Variants in TAFA2 observed in about 807,000 individuals in gnomAD.
TAFA2 encodes the protein chemokine-like protein TAFA-2.
Under a neutral mutation model 18.8 loss-of-function variants are expected in TAFA2, and 7 were observed. The ratio of observed to expected loss-of-function variants is 0.37; its 90% CI spans 0.21 to 0.70. TAFA2 has a LOEUF of 0.70. TAFA2 is among the 30% of genes least tolerant of loss of function. The pLI, the probability that TAFA2 is intolerant of heterozygous loss-of-function variation, is 0.53. For synonymous variants in TAFA2, 60 were observed against 54.2 expected, an observed-to-expected ratio of 1.11 and a Z score of -0.47; for missense variants, 122 against 158.1, an observed-to-expected ratio of 0.77 and a Z score of 1.23.
intron 4 of TAFA2, among the ~76,000 whole-genome samples, chr12:61,745,179 C>T (rs779942003): frequency 1.4e-4 from 21 of 152,018 alleles, no homozygotes; most frequent in African/African-American, 3.1e-4. Context: ...TTAAGTTAAA[C>T]GACCTAAATT....
intron 1 of TAFA2, among the ~76,000 whole-genome samples, chr12:61,931,705 G>A (rs773532264): frequency 6.6e-6 from 1 of 152,140 alleles, no homozygotes; most frequent in Non-Finnish European, 1.5e-5. Context: ...GGTGGTCATT[G>A]CCATTTTGTA....
At chr12:61,817,543 AAG>A (rs1438668062) in intron 2 of TAFA2, among the ~76,000 whole-genome samples, 2 of 152,058 alleles carry the variant, frequency 1.3e-5, no homozygotes, top group African/African-American at 2.4e-5. Flanking sequence ...TTTTTCTCCC[AAG>A]AGAGAGCTTT....
intron 1 of TAFA2, among the ~76,000 whole-genome samples, chr12:61,984,844 C>T (rs539661861): frequency 6.6e-6 from 1 of 152,008 alleles, no homozygotes; most frequent in Non-Finnish European, 1.5e-5. Context: ...TAATATCTAC[C>T]AAGTCATGTT....
intron 1 of TAFA2, chr12:61,879,299 T>TTCC: frequency 2.2e-6 from 1 of 459,818 alleles, no homozygotes; most frequent in Non-Finnish European, 3.9e-6. Context: ...GCCCACCTGC[T>TTCC]TCCACTCCTG....
chr12:61,836,756 T>TATATATATATATATACACACACAC (rs68158949), intron 2 of TAFA2, among the ~76,000 whole-genome samples: 9 of 119,836 alleles, frequency 7.5e-5, no homozygotes, highest in African/African-American at 2.5e-4. Context: ...TATATATATA[T>TATATATATATATATACACACACAC]ACACACACAC....
intron 1 of TAFA2, chr12:62,021,801 T>C: frequency 4.4e-6 from 4 of 898,982 alleles, no homozygotes; most frequent in Non-Finnish European, 7.6e-6. Context: ...GACAATGTAA[T>C]AGTTAACACG....
At chr12:61,911,402 A>T (rs888521779) in intron 1 of TAFA2, among the ~76,000 whole-genome samples, 6 of 152,210 alleles carry the variant, frequency 3.9e-5, no homozygotes, top group Non-Finnish European at 8.8e-5. Context: ...TCCCGTATCA[A>T]GCCACTTCCA....
At chr12:61,879,719 CAG>C (rs1875033622) in intron 1 of TAFA2, 1 of 1,152,048 alleles carries the variant, frequency 8.7e-7, no homozygotes, top group Admixed American at 1.7e-5. Context: ...GAAGATGGCT[CAG>C]AGCAACATGG....
intron 2 of TAFA2, among the ~76,000 whole-genome samples, chr12:61,760,526 A>G (rs1471851939): frequency 2.0e-5 from 3 of 151,732 alleles, no homozygotes; most frequent in Non-Finnish European, 2.9e-5. Flanking sequence ...TGATAACCAA[A>G]TTCTTGTAGA....
intron 1 of TAFA2, among the ~76,000 whole-genome samples, chr12:62,181,991 C>CCCT (rs1555196466): frequency 3.3e-5 from 2 of 59,910 alleles, no homozygotes; most frequent in Non-Finnish European, 7.3e-5. Flanking sequence ...TCAAGTCCAT[C>CCCT]CCCCCCCCGC....
chr12:61,984,835 A>C (rs1466807284), intron 1 of TAFA2, among the ~76,000 whole-genome samples: 3 of 152,230 alleles, frequency 2.0e-5, no homozygotes, highest in Non-Finnish European at 4.4e-5. Flanking sequence ...CAATGCAAGT[A>C]ATATCTACCA....
chr12:61,760,342 G>A (rs1300990745), intron 2 of TAFA2, among the ~76,000 whole-genome samples: 1 of 98,488 alleles, frequency 1.0e-5, no homozygotes, highest in Non-Finnish European at 2.2e-5. Flanking sequence ...TGAAGGCATT[G>A]GCATTGGTAG....
chr12:62,007,427 G>C (rs1158644784), intron 1 of TAFA2, among the ~76,000 whole-genome samples: 1 of 152,182 alleles, frequency 6.6e-6, no homozygotes, highest in Non-Finnish European at 1.5e-5. Flanking sequence ...TTGTGAAGCA[G>C]AGACTTAACT....
intron 4 of TAFA2, among the ~76,000 whole-genome samples, chr12:61,742,045 C>A (rs752733602): frequency 6.6e-6 from 1 of 152,018 alleles, no homozygotes; most frequent in African/African-American, 2.4e-5. Flanking sequence ...CAAGCATGTG[C>A]CACCATACCT....
intron 1 of TAFA2, among the ~76,000 whole-genome samples, chr12:61,977,553 C>G (rs906916341): frequency 1.3e-5 from 2 of 152,008 alleles, no homozygotes; most frequent in African/African-American, 4.8e-5. Context: ...TGACTGAAAC[C>G]TCTTCTTTTG....
At chr12:61,982,437 A>AT (rs1234360342) in intron 1 of TAFA2, among the ~76,000 whole-genome samples, 2 of 152,170 alleles carry the variant, frequency 1.3e-5, no homozygotes, top group African/African-American at 4.8e-5. Context: ...TTAAAGTATA[A>AT]TTAAAAAAAA....
chr12:61,958,074 A>G (rs901630010), intron 1 of TAFA2, among the ~76,000 whole-genome samples: 3 of 152,106 alleles, frequency 2.0e-5, no homozygotes, highest in Non-Finnish European at 4.4e-5. Flanking sequence ...ATTTTCTCAT[A>G]TACTCATACA....
At chr12:61,909,726 C>G (rs1451891552) in intron 1 of TAFA2, among the ~76,000 whole-genome samples, 2 of 152,098 alleles carry the variant, frequency 1.3e-5, no homozygotes, top group Non-Finnish European at 2.9e-5. Flanking sequence ...AGAGTGGTCA[C>G]ATCTAAAGGC....
intron 1 of TAFA2, among the ~76,000 whole-genome samples, chr12:61,991,885 T>C (rs571677075): frequency 3.0e-4 from 45 of 152,326 alleles, no homozygotes; most frequent in African/African-American, 1.1e-3. Context: ...TCAGCAGAAT[T>C]TGACATTACT....
Sources: gnomAD v4.1 joint callset for allele counts (sites outside exome capture counted in the v4.1 genomes callset) on GRCh38, gnomAD v4.1.1 for gene constraint, MANE v1.5 for transcripts, NCBI Gene and HGNC (gene_info 2026-07-23, HGNC 2026-07-21) for gene names.